Variants in ZMIZ1 observed in about 807,000 individuals in gnomAD.
The protein encoded by ZMIZ1 is zinc finger MIZ domain-containing protein 1.
In ZMIZ1, 17 loss-of-function variants were observed where a neutral mutation model predicts 113.9. The ratio of observed to expected loss-of-function variants is 0.15; its 90% confidence interval spans 0.10 to 0.22. The LOEUF (loss-of-function observed/expected upper bound fraction) is 0.22. Among genes scored for constraint, ZMIZ1 ranks in the 10% least tolerant of loss-of-function variants. ZMIZ1 has a pLI of 1.00. For synonymous variants in ZMIZ1, 607 were observed against 603.1 expected (o/e 1.01, Z -0.09); for missense variants, 1,059 against 1,477.8 (o/e 0.72, Z 4.65).
chr10:79,282,729 G>A (rs960944073), intron 8 of ZMIZ1, among the ~76,000 whole-genome samples: 1 of 152,346 alleles, frequency 6.6e-6, no homozygotes, highest in South Asian at 2.1e-4. Context: ...CCATAGCCCC[G>A]CAGCTATATC....
intron 7 of ZMIZ1, among the ~76,000 whole-genome samples, chr10:79,217,444 AATACAT>A (rs1006452393): frequency 2.0e-5 from 3 of 152,132 alleles, no homozygotes; most frequent in African/African-American, 7.2e-5. Flanking sequence ...GAAAGAAAGA[AATACAT>A]AAAGTACCTA....
chr10:79,227,656 C>A (rs1018567799), intron 7 of ZMIZ1, among the ~76,000 whole-genome samples: 1 of 152,224 alleles, frequency 6.6e-6, no homozygotes, highest in African/African-American at 2.4e-5. Flanking sequence ...TTTATTCCAG[C>A]CTGTTGGCAT....
At chr10:79,123,344 G>A (rs946506987) in intron 2 of ZMIZ1, among the ~76,000 whole-genome samples, 1 of 152,182 alleles carries the variant, frequency 6.6e-6, no homozygotes, top group Admixed American at 6.5e-5. Flanking sequence ...TCATCTCTCT[G>A]TGCCCCATTT....
chr10:79,272,861 C>T (rs1486545893), intron 7 of ZMIZ1, among the ~76,000 whole-genome samples: 3 of 152,162 alleles, frequency 2.0e-5, no homozygotes, highest in African/African-American at 4.8e-5. Context: ...ATTGGCAGTT[C>T]GAGTCTGGGA....
chr10:79,251,815 C>T (rs1479183198), intron 7 of ZMIZ1, among the ~76,000 whole-genome samples: 1 of 152,190 alleles, frequency 6.6e-6, no homozygotes, highest in Non-Finnish European at 1.5e-5. Context: ...TGGGCAGTCC[C>T]GGGATGCCCT....
intron 3 of ZMIZ1, among the ~76,000 whole-genome samples, chr10:79,156,673 C>G (rs756813218): frequency 1.3e-5 from 2 of 152,178 alleles, no homozygotes; most frequent in Non-Finnish European, 1.5e-5. Context: ...AGCCTCCTCA[C>G]AGGAGGTAAA....
intron 3 of ZMIZ1, among the ~76,000 whole-genome samples, chr10:79,141,348 A>C (rs921356004): frequency 2.0e-5 from 3 of 152,206 alleles, no homozygotes; most frequent in African/African-American, 7.2e-5. Context: ...AATACCTAAA[A>C]AGTGAATAGG....
chr10:79,208,120 GGTGGA>G (rs1476905251), intron 5 of ZMIZ1, among the ~76,000 whole-genome samples: 2 of 138,738 alleles, frequency 1.4e-5, no homozygotes, highest in African/African-American at 5.5e-5. Context: ...GGGGAGGTGG[GGTGGA>G]GGTGGGGGTG....
chr10:79,072,141 A>G (rs12412430), intron 1 of ZMIZ1, among the ~76,000 whole-genome samples: 10,431 of 152,178 alleles, frequency 0.069, 683 homozygotes, highest in East Asian at 0.3. Context: ...TGTGGGGACA[A>G]AATGTCCCTT....
At chr10:79,274,984 C>T (rs1852182603) in intron 7 of ZMIZ1, among the ~76,000 whole-genome samples, 1 of 152,248 alleles carries the variant, frequency 6.6e-6, no homozygotes, top group African/African-American at 2.4e-5. Context: ...GCAGGCGGCA[C>T]CATCTGTGGC....
chr10:79,082,382 A>C (rs1842687735), intron 1 of ZMIZ1, among the ~76,000 whole-genome samples: 2 of 152,234 alleles, frequency 1.3e-5, no homozygotes, highest in South Asian at 2.1e-4. Context: ...CCCCACGCCC[A>C]GCTTTTTGGC....
chr10:79,239,025 C>T (rs1849705160), intron 7 of ZMIZ1, among the ~76,000 whole-genome samples: 1 of 152,142 alleles, frequency 6.6e-6, no homozygotes, highest in Non-Finnish European at 1.5e-5. Flanking sequence ...GGAGCTCAAC[C>T]GCAACTGTCC....
intron 1 of ZMIZ1, among the ~76,000 whole-genome samples, chr10:79,079,293 G>A (rs958423197): frequency 6.6e-6 from 1 of 152,238 alleles, no homozygotes; most frequent in Non-Finnish European, 1.5e-5. Flanking sequence ...GGGGCTGTGG[G>A]CCCCCAGAAC....
chr10:79,185,745 G>A (rs1847326985), intron 4 of ZMIZ1, among the ~76,000 whole-genome samples: 1 of 152,110 alleles, frequency 6.6e-6, no homozygotes, highest in African/African-American at 2.4e-5. Flanking sequence ...TGCCATTGGA[G>A]GATTGTGGAT....
intron 4 of ZMIZ1, among the ~76,000 whole-genome samples, chr10:79,188,624 AC>A (rs1219709244): frequency 2.6e-5 from 2 of 77,848 alleles, no homozygotes; most frequent in South Asian, 4.4e-4. Flanking sequence ...CCTGTCCCCC[AC>A]CCCCCTAGTA....
Position 79,091,007 on chromosome 10 carries a change from C to T in ZMIZ1, c.-337+21737C>T, listed in dbSNP as rs545012535. On this transcript the variant is annotated intron_variant, in intron 1 of 24. Coordinates refer to ENST00000334512, the MANE Select transcript of ZMIZ1 (RefSeq NM_020338.4). ...CCTTGGGGGGCTCACACTCACCTGT[C>T]CTGCTTCCACCACTCCCCACCTAGA... is the stretch of plus-strand genomic sequence containing the variant. Among the ~76,000 whole-genome samples the T allele has an allele frequency of 2.6e-5, 4 of 152,354 alleles. No homozygotes were observed. In the South Asian group the frequency reaches 6.2e-4, roughly 24 times the overall value.
intron 3 of ZMIZ1, among the ~76,000 whole-genome samples, chr10:79,140,748 C>T (rs1445379799): frequency 6.6e-6 from 1 of 152,122 alleles, no homozygotes; most frequent in Non-Finnish European, 1.5e-5. Context: ...ACTCTCACAC[C>T]AGGCCAGGCC....
At chr10:79,166,741 T>C (rs1382202179) in intron 4 of ZMIZ1, among the ~76,000 whole-genome samples, 1 of 152,096 alleles carries the variant, frequency 6.6e-6, no homozygotes, top group Non-Finnish European at 1.5e-5. Flanking sequence ...TAAATTGTCC[T>C]CTCCTGAAGG....
chr10:79,221,980 A>T (rs1848994502), intron 7 of ZMIZ1, among the ~76,000 whole-genome samples: 1 of 152,240 alleles, frequency 6.6e-6, no homozygotes, highest in African/African-American at 2.4e-5. Flanking sequence ...CAGCAGGTCC[A>T]GGAGGCCTTG....
Sources: allele counts gnomAD v4.1 joint callset (sites outside exome capture counted in the v4.1 genomes callset), GRCh38; gene constraint gnomAD v4.1.1; transcripts MANE v1.5; gene names NCBI Gene and HGNC (gene_info 2026-07-23, HGNC 2026-07-21).